Variants in LMBRD2 observed in about 807,000 individuals in gnomAD.
LMBRD2 encodes G protein-coupled receptor-associated protein LMBRD2.
In LMBRD2, 55 loss-of-function variants were observed where a neutral mutation model predicts 94.4. The ratio of observed to expected loss-of-function variants is 0.58; its 90% CI spans 0.47 to 0.73. LMBRD2 has a LOEUF of 0.73. Among genes scored for constraint, LMBRD2 ranks in the 30% least tolerant of loss-of-function variants. The pLI is 0.00. For synonymous variants in LMBRD2, 246 were observed against 272.4 expected (o/e 0.90, Z 0.95); for missense variants, 640 against 831.9 (o/e 0.77, Z 2.84).
At chr5:36,104,576 T>C (rs1180141927) in intron 17 of LMBRD2, among the ~76,000 whole-genome samples, 1 of 152,036 alleles carries the variant, frequency 6.6e-6, no homozygotes, top group African/African-American at 2.4e-5. Context: ...TGACTTGCCA[T>C]TTACAAGTTG....
intron 16 of LMBRD2, among the ~76,000 whole-genome samples, chr5:36,106,355 CA>C (rs1355261974): frequency 1.3e-5 from 2 of 152,024 alleles, no homozygotes; most frequent in Non-Finnish European, 2.9e-5. Context: ...ACTGTATTAC[CA>C]AACAGTCTCT....
At position 36,100,330 on chromosome 5, in the gene LMBRD2, A is replaced by G. The variant is rs954647434; in HGVS notation, c.*3716T>C. ...GATACACTGAGCCAGCATACTTTAC[A>G]TTTGTATTCAGATGTTGCTTAGTTG... On this transcript the variant is annotated 3_prime_UTR_variant, in exon 18 of 18. Transcript: ENST00000296603. The G allele has an allele frequency of 6.6e-6, 1 of 152,088 alleles. No homozygotes were observed. The highest frequency in any genetic ancestry group is 1.5e-5 in the Non-Finnish European group (1 of 67,986). 9.4% of individuals were successfully genotyped at this position (152,088 alleles called of 1,614,324 possible).
chr5:36,134,693 C>T (rs1744228246), intron 6 of LMBRD2, among the ~76,000 whole-genome samples: 1 of 152,112 alleles, frequency 6.6e-6, no homozygotes, highest in Non-Finnish European at 1.5e-5. Flanking sequence ...CTAGAACCCT[C>T]AGAAGGAACC....
At chr5:36,135,432 A>G (rs551862750) in intron 6 of LMBRD2, among the ~76,000 whole-genome samples, 2 of 152,342 alleles carry the variant, frequency 1.3e-5, no homozygotes, top group East Asian at 3.9e-4. Flanking sequence ...TTAAGTCTAT[A>G]GAATTGTTTA....
In LMBRD2 at chr5:36,143,328, G is replaced by A. The variant is rs1457783550; in HGVS notation, c.22C>T (p.Leu8Phe). 6.2e-7 allele frequency: 1 copy of A among 1,613,248 alleles called. No homozygotes were observed. Among genetic ancestry groups the A allele is most frequent in the African/African-American group, 1.3e-5 (1 of 74,842 alleles). The change falls in exon 2 of 18, where the codon CTT becomes TTT. Residue 8 changes from leucine (L) to phenylalanine (F), a missense_variant. Leu to Phe is a conservative substitution (Grantham distance 22). This residue lies in a region of LMBRD2 where 457 missense variants were observed against 642.8 expected (regional missense o/e 0.71). Transcript: ENST00000296603. Reference protein sequence around the residue: MSGAALGLEIVFVFFLAL... With the variant: MSGAALGFEIVFVFFLAL... Reference sequence around the variant, plus strand: ...AGAAAAAAGACAAAAACAATCTCAAGTCCCAAAGCTGCACCACTCATTATT... The same window carrying A: ...AGAAAAAAGACAAAAACAATCTCAAATCCCAAAGCTGCACCACTCATTATT...
At chr5:36,111,121 T>A (rs772333027) in intron 14 of LMBRD2, 34 bp downstream of exon 14, 1 of 1,278,980 alleles carries the variant, frequency 7.8e-7, no homozygotes, top group South Asian at 1.3e-5. Context: ...CACTTAGTAT[T>A]TTCCCTTCAT....
intron 1 of LMBRD2, among the ~76,000 whole-genome samples, chr5:36,148,615 CA>C (rs1303766189): frequency 6.6e-6 from 1 of 152,140 alleles, no homozygotes; most frequent in Non-Finnish European, 1.5e-5. Flanking sequence ...CAAGCTTTAT[CA>C]AATTAGACCT....
In LMBRD2 at chr5:36,100,268, A is replaced by G. The variant is rs1389429194; in HGVS notation, c.*3778T>C. On this transcript the variant is annotated 3_prime_UTR_variant, in exon 18 of 18. Transcript: ENST00000296603. ...ATGTAAAAATATTACACTGAAAACA[A>G]TTTATTTACTGATGTGTCCTCTTTA... 4 of 152,122 alleles carry G rather than the reference A, an allele frequency of 2.6e-5. No homozygotes were observed. The highest frequency in any genetic ancestry group is 2.6e-4 in the Admixed American group (4 of 15,248). 9.4% of individuals were successfully genotyped at this position (152,122 alleles called of 1,614,324 possible).
At chr5:36,132,553 C>T (rs1163106591) in intron 6 of LMBRD2, among the ~76,000 whole-genome samples, 2 of 150,520 alleles carry the variant, frequency 1.3e-5, no homozygotes, top group Non-Finnish European at 3.0e-5. Context: ...TATTTGTAAA[C>T]TATCTTTCTG....
chr5:36,106,794 C>A (rs1743483579), intron 16 of LMBRD2, among the ~76,000 whole-genome samples: 1 of 151,938 alleles, frequency 6.6e-6, no homozygotes, highest in South Asian at 2.1e-4. Flanking sequence ...GCGCCTGGCC[C>A]CAAATCCAAA....
chr5:36,115,007 G>C lies in LMBRD2; in HGVS notation c.1542+8C>G. ...ACCTAAGGAATTCTATTTTCTGACCGTACTTACAGATGTATAAGCAGTTGG... is the reference window on the plus strand; with the variant it reads ...ACCTAAGGAATTCTATTTTCTGACCCTACTTACAGATGTATAAGCAGTTGG... On this transcript the variant is annotated splice_region_variant and intron_variant, in intron 12 of 17. Transcript: ENST00000296603. 1 of 1,515,902 alleles carries C rather than the reference G, an allele frequency of 6.6e-7. No individual in the cohort carries two copies. The highest frequency in any genetic ancestry group is 9.1e-7 in the Non-Finnish European group (1 of 1,094,224). 93.9% of individuals were successfully genotyped at this position (1,515,902 alleles called of 1,614,324 possible).
rs758463269 is a variant in LMBRD2, at chr5:36,114,479, A to C, written c.1585T>G (p.Phe529Val). 2 of 1,570,284 alleles carry C rather than the reference A, an allele frequency of 1.3e-6. No homozygotes were observed. The highest frequency in any genetic ancestry group is 1.7e-6 in the Non-Finnish European group (2 of 1,163,884). The change falls in exon 13 of 18, where the codon TTC (phenylalanine) becomes GTC (valine). Residue 529 changes from phenylalanine (F) to valine (V), a missense_variant. Phe to Val is a conservative substitution (Grantham distance 50). Coordinates refer to ENST00000296603, the MANE Select transcript of LMBRD2 (RefSeq NM_001007527.2). ...ACCAACATAGGATAATATATATAGA[A>C]TCCATCTGCAATAAAGGATAAAACT... ...MKVLSFIADG[F>V]YIYYPMLVVI... is the part of the protein sequence containing the mutation.
chr5:36,123,724 TATAA>T (rs758442855), intron 7 of LMBRD2, among the ~76,000 whole-genome samples: 6 of 149,714 alleles, frequency 4.0e-5, no homozygotes, highest in Non-Finnish European at 7.4e-5. Flanking sequence ...AATATATAAA[TATAA>T]ATATAGTTAA....
At chr5:36,121,998 C>T (rs1486661009) in intron 9 of LMBRD2, among the ~76,000 whole-genome samples, 1 of 152,012 alleles carries the variant, frequency 6.6e-6, no homozygotes, top group African/African-American at 2.4e-5. Flanking sequence ...TTAAGCAATG[C>T]ATAATTGTAT....
At chr5:36,117,701 A>C in intron 10 of LMBRD2, 34 bp downstream of exon 10, 1 of 1,411,012 alleles carries the variant, frequency 7.1e-7, no homozygotes, top group East Asian at 2.3e-5. Context: ...CTATGAAGTG[A>C]CATCTATTTA....
intron 13 of LMBRD2, among the ~76,000 whole-genome samples, chr5:36,112,013 T>C (rs1743619803): frequency 6.6e-6 from 1 of 151,678 alleles, no homozygotes; most frequent in Admixed American, 6.6e-5. Flanking sequence ...GATGTACTTC[T>C]ACACAGAGAG....
intron 9 of LMBRD2, among the ~76,000 whole-genome samples, chr5:36,118,655 G>GTTT (rs755231683): frequency 4.2e-5 from 6 of 142,478 alleles, no homozygotes; most frequent in Non-Finnish European, 7.6e-5. Context: ...TTGGTTTTTT[G>GTTT]TTTTTTTTTT....
chr5:36,149,556 T>C (rs1249426559), intron 1 of LMBRD2, among the ~76,000 whole-genome samples: 2 of 152,208 alleles, frequency 1.3e-5, no homozygotes, highest in African/African-American at 2.4e-5. Flanking sequence ...AATCCTATCA[T>C]CATCTAGACA....
chr5:36,141,530 T>C (rs1295551118), intron 3 of LMBRD2, among the ~76,000 whole-genome samples: 2 of 151,350 alleles, frequency 1.3e-5, no homozygotes, highest in Non-Finnish European at 2.9e-5. Context: ...AAATGTATTA[T>C]GAAATAAAAT....
Sources: gnomAD v4.1 joint callset for allele counts (sites outside exome capture counted in the v4.1 genomes callset) on GRCh38, gnomAD v4.1.1 for gene constraint, gnomAD v4.1.1 regional missense constraint, MANE v1.5 for transcripts, NCBI Gene and HGNC (gene_info 2026-07-23, HGNC 2026-07-21) for gene names.